The following PGRMC2 variants were observed in gnomAD, a reference collection of about 807,000 sequenced individuals.
The protein encoded by PGRMC2 is membrane-associated progesterone receptor component 2.
A neutral mutation model predicts 19.3 loss-of-function variants in PGRMC2; 9 were observed. The ratio of observed to expected loss-of-function variants is 0.47; its 90% CI spans 0.28 to 0.81. The LOEUF is 0.81. Among genes scored for constraint, PGRMC2 ranks in the 40% least tolerant of loss-of-function variants. PGRMC2 has a pLI of 0.11. For synonymous variants in PGRMC2, 157 were observed against 124.6 expected (o/e 1.26, Z -1.73); for missense variants, 289 against 297.3 (o/e 0.97, Z 0.21).
At chr4:128,281,387 T>C (rs1760908703) in intron 1 of PGRMC2, among the ~76,000 whole-genome samples, 3 of 152,170 alleles carry the variant, frequency 2.0e-5, no homozygotes, top group African/African-American at 2.4e-5. Flanking sequence ...AAAATTCTTA[T>C]ATTGTTCAGA....
intron 1 of PGRMC2, chr4:128,286,595 AG>A: frequency 2.5e-6 from 1 of 398,556 alleles, no homozygotes; most frequent in South Asian, 1.3e-4. Flanking sequence ...AGAAAAAAAA[AG>A]AAAAAAGAAA....
intron 1 of PGRMC2, among the ~76,000 whole-genome samples, chr4:128,276,227 A>ATT (rs1760810232): frequency 6.6e-6 from 1 of 152,232 alleles, no homozygotes; most frequent in African/African-American, 2.4e-5. Context: ...CAATTCTAAT[A>ATT]TTTGGTAAGT....
Position 128,287,703 on chromosome 4 carries a change from C to T in PGRMC2, c.88G>A (p.Asp30Asn). The T allele has an allele frequency of 6.6e-7, 1 of 1,516,312 alleles. No homozygotes were observed. The highest frequency in any genetic ancestry group is 1.2e-5 in the South Asian group (1 of 83,914). The allele number at this position is 1,516,312 out of a possible 1,614,324, so 93.9% of individuals were successfully genotyped here. The change falls in exon 1 of 3, where the codon GAC (aspartate) becomes AAC (asparagine). Residue 30 changes from aspartate (D) to asparagine (N), a missense_variant. Physicochemically the swap from Asp to Asn is conservative, Grantham distance 23. Coordinates refer to ENST00000296425, the MANE Select transcript of PGRMC2 (RefSeq NM_006320.6). Reference protein sequence around the residue: ...SNDGGSESPGDAGAAAEGGGW... With the variant: ...SNDGGSESPGNAGAAAEGGGW... ...CCCCCTTCCGCTGCCGCTCCCGCGTCGCCTGGACTCTCGCTGCCGCCGTCG... is the reference window on the plus strand; with the variant it reads ...CCCCCTTCCGCTGCCGCTCCCGCGTTGCCTGGACTCTCGCTGCCGCCGTCG...
chr4:128,287,383 G>C lies in PGRMC2; in HGVS notation c.408C>G (p.Phe136Leu), dbSNP rs758044406. ...KVFDVTKGSK[F>L]YGPAGPYGIF... ...CTTCCAACTCCTCACCCGGGCCGTA[G>C]AACTTGCTGCCTTTGGTCACGTCGA... Residue 136 changes from phenylalanine (F) to leucine (L), a missense_variant, in exon 1 of 3, where the codon TTC (phenylalanine) becomes TTG (leucine). Physicochemically the swap from Phe to Leu is conservative, Grantham distance 22 (BLOSUM62 0). Coordinates refer to ENST00000296425, the MANE Select transcript of PGRMC2 (RefSeq NM_006320.6). The C allele has an allele frequency of 6.2e-7, 1 of 1,601,358 alleles. No individual in the cohort carries two copies. Among genetic ancestry groups the C allele is most frequent in the South Asian group, 1.1e-5 (1 of 90,576 alleles).
intron 1 of PGRMC2, among the ~76,000 whole-genome samples, chr4:128,273,771 C>A (rs1760767070): frequency 6.6e-6 from 1 of 152,158 alleles, no homozygotes; most frequent in South Asian, 2.1e-4. Context: ...AAATAGATAT[C>A]TAAGCATTTA....
chr4:128,276,816 T>C (rs142882414), intron 1 of PGRMC2, among the ~76,000 whole-genome samples: 2 of 152,296 alleles, frequency 1.3e-5, no homozygotes, highest in African/African-American at 4.8e-5. Flanking sequence ...TGAACAGCAT[T>C]ATTCAGTCAA....
Position 128,287,595 on chromosome 4 carries a change from G to A in PGRMC2, c.196C>T (p.Leu66=). 1 of 1,225,626 alleles carries A rather than the reference G, an allele frequency of 8.2e-7. No individual in the cohort carries two copies. Among genetic ancestry groups the A allele is most frequent in the Non-Finnish European group, 1.1e-6 (1 of 949,702 alleles). The allele number at this position is 1,225,626 out of a possible 1,614,324, so 75.9% of individuals were successfully genotyped here. The change falls in exon 1 of 3, where the codon CTG becomes TTG. Residue 66 remains leucine, a synonymous_variant. Transcript: ENST00000296425. Reference sequence around the variant, plus strand: ...CGCACCCACAGCCGGTAGGCCCCCAGCAGCACCAGAGCCACCAGCGCCACG... The same window carrying A: ...CGCACCCACAGCCGGTAGGCCCCCAACAGCACCAGAGCCACCAGCGCCACG... ...LNVALVALVL[L]GAYRLWVRWG...
chr4:128,283,225 T>C (rs548397332), intron 1 of PGRMC2, among the ~76,000 whole-genome samples: 12 of 152,354 alleles, frequency 7.9e-5, no homozygotes, highest in African/African-American at 2.6e-4. Flanking sequence ...ATAGACTATG[T>C]TGTAATACAA....
chr4:128,287,298 CCA>C (rs1192681010), intron 1 of PGRMC2, 73 bp downstream of exon 1: 15 of 1,501,120 alleles, frequency 1.0e-5, no homozygotes, highest in Non-Finnish European at 1.3e-5. Context: ...AACCCGGTGC[CCA>C]GAGGCCTCCC....
intron 1 of PGRMC2, among the ~76,000 whole-genome samples, chr4:128,275,487 G>T (rs1331117738): frequency 6.6e-6 from 1 of 152,100 alleles, no homozygotes; most frequent in Non-Finnish European, 1.5e-5. Context: ...TGATTGACTT[G>T]GTAAGAGTGA....
chr4:128,285,968 A>C (rs1486242201), intron 1 of PGRMC2, among the ~76,000 whole-genome samples: 1 of 152,114 alleles, frequency 6.6e-6, no homozygotes. Flanking sequence ...ACAACTAAGA[A>C]ATAAATTACA....
At chr4:128,271,435 A>C in intron 2 of PGRMC2, 22 bp from the exon 3 acceptor site, 2 of 1,286,472 alleles carry the variant, frequency 1.6e-6, no homozygotes, top group Non-Finnish European at 2.3e-6. Flanking sequence ...ATCAAAAGAA[A>C]ATCAGTGGTG....
chr4:128,282,738 T>C (rs779868577), intron 1 of PGRMC2, among the ~76,000 whole-genome samples: 4 of 152,194 alleles, frequency 2.6e-5, no homozygotes, highest in Non-Finnish European at 5.9e-5. Context: ...CATGAAGAAA[T>C]AGGTAAGATT....
intron 1 of PGRMC2, among the ~76,000 whole-genome samples, chr4:128,279,052 T>C (rs1259203739): frequency 1.3e-5 from 2 of 151,802 alleles, no homozygotes; most frequent in African/African-American, 4.8e-5. Flanking sequence ...CTACTAAAAA[T>C]ACAAAATTAG....
At chr4:128,271,443 G>T (rs1235753539) in intron 2 of PGRMC2, 30 bp from the exon 3 acceptor site, 2 of 1,218,722 alleles carry the variant, frequency 1.6e-6, no homozygotes, top group Admixed American at 3.4e-5. Context: ...AAAATCAGTG[G>T]TGATCAAATT....
chr4:128,274,707 CATTAT>C (rs1760782863), intron 1 of PGRMC2, among the ~76,000 whole-genome samples: 1 of 151,744 alleles, frequency 6.6e-6, no homozygotes, highest in African/African-American at 2.4e-5. Flanking sequence ...AATCTATAAA[CATTAT>C]ATTTACCCTT....
intron 1 of PGRMC2, among the ~76,000 whole-genome samples, chr4:128,281,534 G>A (rs1231233837): frequency 2.0e-5 from 3 of 152,124 alleles, no homozygotes; most frequent in Admixed American, 1.3e-4. Context: ...AGTGGGAAAA[G>A]AGGCAAAGAA....
At chr4:128,271,532 T>C in intron 2 of PGRMC2, 119 bp from the exon 3 acceptor site, 1 of 548,808 alleles carries the variant, frequency 1.8e-6, no homozygotes, top group East Asian at 3.0e-5. Flanking sequence ...TAGAATATTA[T>C]CTAAATATTC....
chr4:128,278,327 T>C (rs1373563620), intron 1 of PGRMC2, among the ~76,000 whole-genome samples: 1 of 152,080 alleles, frequency 6.6e-6, no homozygotes, highest in East Asian at 1.9e-4. Context: ...ACACAACCCC[T>C]TGGGAGGCCA....
Sources: allele counts gnomAD v4.1 joint callset (sites outside exome capture counted in the v4.1 genomes callset), GRCh38; gene constraint gnomAD v4.1.1; transcripts MANE v1.5; gene names NCBI Gene and HGNC (gene_info 2026-07-23, HGNC 2026-07-21).